Variants in SPINK5 observed in about 807,000 individuals in gnomAD.
SPINK5 encodes the protein serine peptidase inhibitor Kazal type 5, also known as serine protease inhibitor Kazal-type 5.
In SPINK5, 125 loss-of-function variants were observed where a neutral mutation model predicts 151.8. The ratio of observed to expected loss-of-function variants is 0.82; its 90% CI spans 0.71 to 0.96. The LOEUF is 0.96. Ranked by LOEUF, SPINK5 falls within the 40% of genes least tolerant of loss-of-function variation. SPINK5 has a pLI of 0.00. For missense variants in SPINK5, 1,194 were observed against 1,291.9 expected, an observed-to-expected ratio of 0.92 and a Z score of 1.16; for synonymous variants, 374 against 395.3, an observed-to-expected ratio of 0.95 and a Z score of 0.64.
chr5:148,068,660 T>C (rs1429516648), intron 2 of SPINK5, among the ~76,000 whole-genome samples: 2 of 151,232 alleles, frequency 1.3e-5, no homozygotes, highest in African/African-American at 4.9e-5. Context: ...CTTTAATAAA[T>C]TTTTTGGAAC....
rs547906874 is a variant in SPINK5, at chr5:148,099,328, C to G, written c.1092+13C>G. On this transcript the variant is annotated intron_variant, in intron 12 of 32. Transcript: ENST00000256084. Reference sequence around the variant, plus strand: ...AACCTCATATGCAGTGAGTGGAATCCATCCAATAAATCCTATTTGGTGCTA... The same window carrying G: ...AACCTCATATGCAGTGAGTGGAATCGATCCAATAAATCCTATTTGGTGCTA... 1 of 1,609,444 alleles carries G rather than the reference C, an allele frequency of 6.2e-7. No individual in the cohort carries two copies. Among genetic ancestry groups the G allele is most frequent in the South Asian group, 1.1e-5 (1 of 90,762 alleles).
Position 148,108,744 on chromosome 5 carries a change from C to G in SPINK5, c.1608-9C>G. 1 of 1,609,802 alleles carries G rather than the reference C, an allele frequency of 6.2e-7. No homozygotes were observed. The highest frequency in any genetic ancestry group is 8.5e-7 in the Non-Finnish European group (1 of 1,177,274). ...CATATTCAGCCTATATCTTCTTTTT[C>G]TATTACAGCAAACTTGAAGAAGAAG... On this transcript the variant is annotated splice_polypyrimidine_tract_variant and intron_variant, in intron 17 of 32. Coordinates refer to ENST00000256084, the MANE Select transcript of SPINK5 (RefSeq NM_006846.4).
In SPINK5 at chr5:148,123,840, G is replaced by A. The variant is rs2113210846; in HGVS notation, c.2546G>A (p.Cys849Tyr). The A allele has an allele frequency of 1.2e-6, 2 of 1,613,856 alleles. No individual in the cohort carries two copies. The highest frequency in any genetic ancestry group is 2.2e-5 in the East Asian group (1 of 44,836). ...TTCTGCTACTGTTGGTAGGATCTGT[G>A]TCGTGAATTTCGAAGCATGCAGAGA... ...GERSNDKEDL[C>Y]REFRSMQRNG... Residue 849 changes from cysteine to tyrosine, a missense_variant, in exon 27 of 33, where the codon TGT (cysteine) becomes TAT (tyrosine). Coordinates refer to ENST00000256084, the MANE Select transcript of SPINK5 (RefSeq NM_006846.4).
chr5:148,085,351 TGAA>T (rs943807816), intron 4 of SPINK5, among the ~76,000 whole-genome samples: 2 of 151,946 alleles, frequency 1.3e-5, no homozygotes, highest in African/African-American at 4.8e-5. Flanking sequence ...AATGATAACA[TGAA>T]GTTGTATTTT....
At chr5:148,133,953 C>T (rs2113241339) in intron 32 of SPINK5, 66 bp downstream of exon 32, 6 of 1,523,012 alleles carry the variant, frequency 3.9e-6, no homozygotes, top group African/African-American at 2.7e-5. Flanking sequence ...TGGTTTTGTT[C>T]TCTTCCACTG....
chr5:148,119,259 C>T (rs1191081192), intron 24 of SPINK5, among the ~76,000 whole-genome samples: 3 of 152,170 alleles, frequency 2.0e-5, no homozygotes, highest in Non-Finnish European at 4.4e-5. Context: ...TTAAGTCTGA[C>T]ACTTTACAAG....
intron 5 of SPINK5, among the ~76,000 whole-genome samples, chr5:148,087,454 A>G (rs1467340712): frequency 6.6e-6 from 1 of 151,790 alleles, no homozygotes; most frequent in Non-Finnish European, 1.5e-5. Context: ...TGCAATAAAT[A>G]TTTTCAGCAA....
rs550859000 is a variant in SPINK5, at chr5:148,126,862, G to A, written c.2868-121G>A. 1.9e-5 allele frequency: 15 copies of A among 796,784 alleles called. No individual in the cohort carries two copies. In the East Asian group the frequency reaches 3.6e-4, roughly 19 times the overall value. 49.4% of individuals were successfully genotyped at this position (796,784 alleles called of 1,614,324 possible). A position where few individuals can be genotyped will look rare whatever the true frequency, so the allele number is the denominator to read the frequency against. On this transcript the variant is annotated intron_variant, in intron 29 of 32. Transcript: ENST00000256084. ...CAGCCTGGGCCTTCCAAAATGCTGG[G>A]GTTACAGGCGTGAACTACCATGCCT...
chr5:148,072,302 C>T, intron 4 of SPINK5, 82 bp downstream of exon 4: 1 of 1,430,650 alleles, frequency 7.0e-7, no homozygotes, highest in Non-Finnish European at 9.8e-7. Flanking sequence ...TCCTTAATTA[C>T]TAGGTCATAC....
At chr5:148,130,881 T>A (rs941561841) in intron 30 of SPINK5, among the ~76,000 whole-genome samples, 4 of 152,174 alleles carry the variant, frequency 2.6e-5, no homozygotes, top group African/African-American at 9.7e-5. Context: ...TACCTCTGAG[T>A]CTTTCCTTTC....
At chr5:148,079,013 A>T (rs1333040604) in intron 4 of SPINK5, among the ~76,000 whole-genome samples, 1 of 151,092 alleles carries the variant, frequency 6.6e-6, no homozygotes, top group Non-Finnish European at 1.5e-5. Context: ...AACAAACCTG[A>T]CAAACCCTTA....
At chr5:148,065,416 C>T in intron 2 of SPINK5, 44 bp downstream of exon 2, 4 of 1,609,982 alleles carry the variant, frequency 2.5e-6, no homozygotes, top group Non-Finnish European at 3.4e-6. Flanking sequence ...TCCAAGATTC[C>T]CAAAGAAAAG....
rs950471412 is a variant in SPINK5, at chr5:148,092,408, A to G, written c.666+1180A>G. Among the ~76,000 whole-genome samples, 10 of 151,964 alleles carry G rather than the reference A, an allele frequency of 6.6e-5. No homozygotes were observed. In the South Asian group the frequency reaches 2.1e-3, roughly 31 times the overall value. ...TGTGGTGGTTGTTAAATTTCAGTCT[A>G]AAACTTTGGGTCATCCTGTGATAGT... On this transcript the variant is annotated intron_variant, in intron 8 of 32. Transcript: ENST00000256084.
At chr5:148,069,905 G>A (rs1487024295) in intron 2 of SPINK5, among the ~76,000 whole-genome samples, 2 of 152,030 alleles carry the variant, frequency 1.3e-5, no homozygotes, top group Admixed American at 6.6e-5. Flanking sequence ...ATATGTTGCA[G>A]TACAGCCATG....
In SPINK5 at chr5:148,123,429, T is replaced by TTATCTATCTATCTATATATATATAGATAG. The variant is rs1354323692; in HGVS notation, c.2539-404_2539-403insTATCTATCTATCTATATATATATAGATAG. 6.6e-3 allele frequency among the ~76,000 whole-genome samples: 193 copies of TTATCTATCTATCTATATATATATAGATAG among 29,356 alleles called. 2 individuals are homozygous for TTATCTATCTATCTATATATATATAGATAG. Among genetic ancestry groups the TTATCTATCTATCTATATATATATAGATAG allele is most frequent in the South Asian group, 0.034 (43 of 1,276 alleles). The allele number at this position is 29,356 out of a possible 152,430, so 19.3% of individuals were successfully genotyped here. On this transcript the variant is annotated intron_variant, in intron 26 of 32. Coordinates refer to ENST00000256084, the MANE Select transcript of SPINK5 (RefSeq NM_006846.4). ...ATATAATATATTATATATATAGATA[T>TTATCTATCTATCTATATATATATAGATAG]ATATTATCTATCTATCTATATATAT...
In SPINK5 at chr5:148,068,360, G is replaced by T. The variant is rs539364533; in HGVS notation, c.82-1963G>T. Among the ~76,000 whole-genome samples, 7 of 151,982 alleles carry T rather than the reference G, an allele frequency of 4.6e-5. No homozygotes were observed. In the South Asian group the frequency reaches 1.5e-3, roughly 32 times the overall value. On this transcript the variant is annotated intron_variant, in intron 2 of 32. Coordinates refer to ENST00000256084, the MANE Select transcript of SPINK5 (RefSeq NM_006846.4). ...ACCAACTGCCTACCATTTTTAAGAG[G>T]CTAGATTAAGTACATCATTATTCAT...
chr5:148,065,503 C>T (rs1752557331), intron 2 of SPINK5, 131 bp downstream of exon 2: 2 of 945,482 alleles, frequency 2.1e-6, no homozygotes, highest in African/African-American at 1.6e-5. Context: ...TTGTTAAAAA[C>T]ACAGAAACAG....
At chr5:148,109,196 A>C (rs1753857632) in intron 18 of SPINK5, among the ~76,000 whole-genome samples, 1 of 152,172 alleles carries the variant, frequency 6.6e-6, no homozygotes, top group African/African-American at 2.4e-5. Flanking sequence ...ATTTACCTTA[A>C]AAACAGCAAC....
chr5:148,077,978 A>G (rs1650070114), intron 4 of SPINK5, among the ~76,000 whole-genome samples: 1 of 151,136 alleles, frequency 6.6e-6, no homozygotes. Flanking sequence ...GATTATATTA[A>G]ACATAAATGG....
Sources: allele counts gnomAD v4.1 joint callset (sites outside exome capture counted in the v4.1 genomes callset), GRCh38; gene constraint gnomAD v4.1.1; transcripts MANE v1.5; gene names NCBI Gene and HGNC (gene_info 2026-07-23, HGNC 2026-07-21).